The following CASK variants were observed in gnomAD, a reference collection of about 807,000 sequenced individuals.
CASK encodes the protein calcium/calmodulin dependent serine protein kinase.
In CASK, 4 loss-of-function variants were observed where a neutral mutation model predicts 82.9. That is an observed-to-expected ratio of 0.05 (90% CI 0.02 to 0.11). CASK has a LOEUF of 0.11. Ranked by LOEUF, CASK falls within the 10% of genes least tolerant of loss-of-function variation. The probability of loss-of-function intolerance (pLI) is 1.00; values close to 1 mark genes in which losing one functional copy is unlikely to be tolerated. For missense variants in CASK, 358 were observed against 720.9 expected, an observed-to-expected ratio of 0.50 and a Z score of 5.76; for synonymous variants, 259 against 253.5, an observed-to-expected ratio of 1.02 and a Z score of -0.20.
chrX:41,570,191 C>T (rs766649625), intron 15 of CASK, among the ~76,000 whole-genome samples: 6 of 107,878 alleles, frequency 5.6e-5, no homozygotes, highest in East Asian at 5.8e-4. Flanking sequence ...TTAGTAGAGA[C>T]GAGGGTAAGG....
chrX:41,872,240 C>A (rs750612196), intron 1 of CASK, among the ~76,000 whole-genome samples: 2 of 112,612 alleles, frequency 1.8e-5, no homozygotes, highest in South Asian at 7.3e-4. Flanking sequence ...CTTAGATGTT[C>A]CCAACAAGTT....
intron 2 of CASK, among the ~76,000 whole-genome samples, chrX:41,791,186 C>A (rs1429218269): frequency 9.2e-6 from 1 of 108,710 alleles, no homozygotes; most frequent in Non-Finnish European, 1.9e-5. Flanking sequence ...TTTTGTGGAA[C>A]GGGTGGTGTT....
intron 5 of CASK, among the ~76,000 whole-genome samples, chrX:41,701,682 CAGTG>C (rs1382489733): frequency 7.2e-5 from 8 of 111,843 alleles, no homozygotes; most frequent in Admixed American, 4.7e-4. Flanking sequence ...GGGATGGTAA[CAGTG>C]AGCACAGAAC....
intron 1 of CASK, among the ~76,000 whole-genome samples, chrX:41,897,655 G>A (rs758270341): frequency 5.6e-4 from 62 of 110,992 alleles, no homozygotes; most frequent in Non-Finnish European, 8.7e-4. Flanking sequence ...AACTAATGGA[G>A]CCAACCTTCC....
chrX:41,645,915 A>G (rs1165043677), intron 8 of CASK, among the ~76,000 whole-genome samples: 1 of 110,002 alleles, frequency 9.1e-6, no homozygotes, highest in Admixed American at 9.7e-5. Context: ...TCTCACCTAG[A>G]TAGATGCTCC....
intron 1 of CASK, among the ~76,000 whole-genome samples, chrX:41,891,844 G>T (rs986088683): frequency 6.2e-5 from 7 of 112,128 alleles, no homozygotes; most frequent in Non-Finnish European, 1.3e-4. Context: ...TTTATAGAAA[G>T]AATTTTTTTT....
chrX:41,628,045 C>T (rs777170744), intron 9 of CASK, among the ~76,000 whole-genome samples: 52 of 111,886 alleles, frequency 4.6e-4, no homozygotes, highest in African/African-American at 1.7e-3. Flanking sequence ...ACTTATCTTA[C>T]AGGATTGGCA....
intron 15 of CASK, among the ~76,000 whole-genome samples, chrX:41,571,952 C>A (rs975670579): frequency 9.0e-6 from 1 of 111,377 alleles, no homozygotes; most frequent in Non-Finnish European, 1.9e-5. Flanking sequence ...AAGTACTTGG[C>A]GATTTATCTC....
At chrX:41,727,993 C>G in intron 5 of CASK, 1 of 1,148,162 alleles carries the variant, frequency 8.7e-7, no homozygotes, top group Non-Finnish European at 1.2e-6. Context: ...ACTATATAAT[C>G]TCTTTACAAA....
intron 8 of CASK, among the ~76,000 whole-genome samples, chrX:41,656,826 A>T (rs1003836920): frequency 9.0e-6 from 1 of 111,245 alleles, no homozygotes. Context: ...CTTCTTTCCC[A>T]TATCATCTAA....
At chrX:41,689,073 C>T (rs911861470) in intron 5 of CASK, 1 of 111,635 alleles carries the variant, frequency 9.0e-6, no homozygotes, top group Non-Finnish European at 1.9e-5. Flanking sequence ...TTACTTCAGG[C>T]GAACCTGAAC....
intron 14 of CASK, chrX:41,585,536 G>A (rs1286718951): frequency 9.1e-6 from 1 of 109,776 alleles, no homozygotes; most frequent in Non-Finnish European, 1.9e-5. Context: ...ACGAGGTCAG[G>A]AGATCAAGAC....
At chrX:41,544,430 G>C (rs2064990474) in intron 21 of CASK, among the ~76,000 whole-genome samples, 1 of 109,774 alleles carries the variant, frequency 9.1e-6, no homozygotes, top group African/African-American at 3.3e-5. Context: ...GCTGGGTGTG[G>C]TGGCATGTGC....
chrX:41,727,881 T>C (rs1209909417), intron 5 of CASK: 1 of 1,203,076 alleles, frequency 8.3e-7, no homozygotes, highest in African/African-American at 1.7e-5. Flanking sequence ...AGCAATTGAA[T>C]TATTTAATAG....
At chrX:41,565,641 G>A (rs1219788013) in intron 16 of CASK, among the ~76,000 whole-genome samples, 3 of 111,427 alleles carry the variant, frequency 2.7e-5, no homozygotes, top group African/African-American at 9.8e-5. Flanking sequence ...ATTCACAGCC[G>A]AATTCTACCG....
At chrX:41,736,186 C>T (rs776926609) in intron 5 of CASK, among the ~76,000 whole-genome samples, 2 of 112,124 alleles carry the variant, frequency 1.8e-5, no homozygotes, top group African/African-American at 3.2e-5. Flanking sequence ...GTGTGGATTT[C>T]GGCTTCTGAA....
chrX:41,592,186 A>C (rs1377266983), intron 12 of CASK, among the ~76,000 whole-genome samples: 5 of 104,341 alleles, frequency 4.8e-5, no homozygotes, highest in African/African-American at 1.8e-4. Flanking sequence ...GCATCACTGC[A>C]CTCTAGCCTG....
chrX:41,893,217 T>C (rs1601948021), intron 1 of CASK, among the ~76,000 whole-genome samples: 2 of 111,821 alleles, frequency 1.8e-5, no homozygotes, highest in East Asian at 5.6e-4. Context: ...ACATTTTAAT[T>C]TGGGTCCGCT....
chrX:41,546,919 T>C (rs1041231863), intron 21 of CASK, among the ~76,000 whole-genome samples: 2 of 111,307 alleles, frequency 1.8e-5, no homozygotes, highest in Non-Finnish European at 3.8e-5. Flanking sequence ...TAGCTTATTT[T>C]ATTTTTTTAT....
Sources: gnomAD v4.1 joint callset for allele counts (sites outside exome capture counted in the v4.1 genomes callset) on GRCh38, gnomAD v4.1.1 for gene constraint, MANE v1.5 for transcripts, NCBI Gene and HGNC (gene_info 2026-07-23, HGNC 2026-07-21) for gene names.